The following STARD13 variants were observed in gnomAD, a reference collection of about 807,000 sequenced individuals.
STARD13 encodes stAR-related lipid transfer protein 13.
In STARD13, 62 loss-of-function variants were observed where a neutral mutation model predicts 106.4. The ratio of observed to expected loss-of-function variants is 0.58; its 90% CI spans 0.48 to 0.72. The LOEUF is 0.72. Among genes scored for constraint, STARD13 ranks in the 30% least tolerant of loss-of-function variants. The probability of loss-of-function intolerance (pLI) is 0.00; values close to 1 mark genes in which losing one functional copy is unlikely to be tolerated. For synonymous variants in STARD13, 565 were observed against 553.0 expected (o/e 1.02, Z -0.31); for missense variants, 1,387 against 1,424.0 (o/e 0.97, Z 0.42).
intron 5 of STARD13, 142 bp downstream of exon 5, chr13:33,128,787 C>G: frequency 5.0e-6 from 4 of 803,598 alleles, no homozygotes; most frequent in Non-Finnish European, 7.8e-6. Context: ...TACTTCTGTT[C>G]AAATAATTCC....
the STARD13 span, among the ~76,000 whole-genome samples, chr13:33,521,381 T>C: frequency 6.6e-6 from 1 of 152,084 alleles, no homozygotes; most frequent in Admixed American, 6.6e-5. Flanking sequence ...TCTGAGTTCA[T>C]GATAGTTGAA....
chr13:33,418,038 A>T, the STARD13 span, among the ~76,000 whole-genome samples: 57 of 152,140 alleles, frequency 3.7e-4, no homozygotes, highest in Admixed American at 8.5e-4. Context: ...AAGACGGGTG[A>T]TTTCTGCATT....
chr13:33,205,886 T>C, intron 1 of STARD13: 1 of 985,438 alleles, frequency 1.0e-6, no homozygotes, highest in Non-Finnish European at 1.2e-6. Context: ...TTCAATTCAT[T>C]TTCAGCTTTC....
At chr13:33,203,345 C>A (rs9591586) in intron 1 of STARD13, among the ~76,000 whole-genome samples, 16,721 of 152,212 alleles carry the variant, frequency 0.11, 1,111 homozygotes, top group African/African-American at 0.18. Context: ...CCTATCTTTT[C>A]ATATCTTATA....
chr13:33,118,388 T>TTCAGC, intron 7 of STARD13, 125 bp from the exon 8 acceptor site: 1 of 761,216 alleles, frequency 1.3e-6, no homozygotes, highest in Non-Finnish European at 2.3e-6. Flanking sequence ...GAACTACTAG[T>TTCAGC]ATAGCTACTT....
chr13:33,216,483 T>C (rs1314517680), intron 1 of STARD13, among the ~76,000 whole-genome samples: 2 of 152,170 alleles, frequency 1.3e-5, no homozygotes, highest in Admixed American at 1.3e-4. Context: ...AAACATCATA[T>C]ATTCTTACTT....
the STARD13 span, among the ~76,000 whole-genome samples, chr13:33,395,991 A>G: frequency 6.6e-6 from 1 of 151,118 alleles, no homozygotes; most frequent in Admixed American, 6.6e-5. Context: ...ACAGGTGCTC[A>G]CCACCATGCC....
intron 1 of STARD13, among the ~76,000 whole-genome samples, chr13:33,228,427 G>A (rs1888730189): frequency 2.0e-5 from 3 of 151,374 alleles, no homozygotes; most frequent in Admixed American, 2.0e-4. Flanking sequence ...TAAGAGTACA[G>A]TTCATTTACA....
chr13:33,251,507 C>A (rs1200140759), intron 1 of STARD13, among the ~76,000 whole-genome samples: 1 of 152,152 alleles, frequency 6.6e-6, no homozygotes, highest in Non-Finnish European at 1.5e-5. Flanking sequence ...GCCTGAATAG[C>A]CACTAATTTG....
intron 1 of STARD13, chr13:33,336,850 C>T (rs971569253): frequency 2.6e-5 from 4 of 151,066 alleles, no homozygotes; most frequent in East Asian, 3.9e-4. Context: ...CAAGTGAAAA[C>T]GCATGGATGC....
At chr13:33,284,717 C>T (rs921887215) in intron 1 of STARD13, among the ~76,000 whole-genome samples, 3 of 149,584 alleles carry the variant, frequency 2.0e-5, no homozygotes, top group African/African-American at 7.3e-5. Context: ...CTATAAGGAG[C>T]ATGTTTTAAA....
At position 33,195,637 on chromosome 13, in the gene STARD13, G is replaced by A. The variant is rs547602612; in HGVS notation, c.170-28015C>T. Among the ~76,000 whole-genome samples the A allele has an allele frequency of 1.1e-4, 16 of 152,270 alleles. No homozygotes were observed. In the East Asian group the frequency reaches 2.9e-3, roughly 28 times the overall value. Reference sequence around the variant, plus strand: ...ACGTAGCACCCACGACAGTATTATCGTAAAGCATGTCTTGAGATCTGAAAA... The same window carrying A: ...ACGTAGCACCCACGACAGTATTATCATAAAGCATGTCTTGAGATCTGAAAA... On this transcript the variant is annotated intron_variant, in intron 1 of 13. Coordinates refer to ENST00000336934, the MANE Select transcript of STARD13 (RefSeq NM_178006.4).
chr13:33,310,697 G>A (rs965696599), intron 1 of STARD13, among the ~76,000 whole-genome samples: 1 of 152,066 alleles, frequency 6.6e-6, no homozygotes. Flanking sequence ...TACTCATTGT[G>A]TATAATACTT....
chr13:33,646,396 T>C, the STARD13 span, among the ~76,000 whole-genome samples: 1 of 152,158 alleles, frequency 6.6e-6, no homozygotes, highest in Admixed American at 6.5e-5. Context: ...TATACAGAGG[T>C]AAGTGGCGGA....
intron 1 of STARD13, chr13:33,281,153 C>T (rs1891758993): frequency 6.6e-6 from 1 of 152,026 alleles, no homozygotes; most frequent in Non-Finnish European, 1.5e-5. Context: ...CATAGTCCAT[C>T]CACTTCATTG....
chr13:33,499,604 T>TTCTTCCTTCTTCTTCTTC, the STARD13 span, among the ~76,000 whole-genome samples: 4 of 39,896 alleles, frequency 1.0e-4, 1 homozygote, highest in African/African-American at 2.7e-4. Flanking sequence ...CTTCTTCTTC[T>TTCTTCCTTCTTCTTCTTC]TTCTTCTTCT....
intron 1 of STARD13, among the ~76,000 whole-genome samples, chr13:33,232,237 C>T (rs1254482805): frequency 6.6e-6 from 1 of 152,068 alleles, no homozygotes; most frequent in African/African-American, 2.4e-5. Context: ...CACTTGAACC[C>T]GGGAGGTGGA....
chr13:33,609,359 C>T, the STARD13 span, among the ~76,000 whole-genome samples: 2 of 152,000 alleles, frequency 1.3e-5, no homozygotes, highest in African/African-American at 2.4e-5. Context: ...CTAGTTCTCA[C>T]GGAATTGAAA....
At chr13:33,345,378 G>T (rs2078006800), downstream of STARD13, among the ~76,000 whole-genome samples, 1 of 152,216 alleles carries the variant, frequency 6.6e-6, no homozygotes, top group South Asian at 2.1e-4. Context: ...AAGTGACAGA[G>T]GGTCTTAGAA....
Sources: gnomAD v4.1 joint callset for allele counts (sites outside exome capture counted in the v4.1 genomes callset) on GRCh38, gnomAD v4.1.1 for gene constraint, MANE v1.5 for transcripts, NCBI Gene and HGNC (gene_info 2026-07-23, HGNC 2026-07-21) for gene names.